The following DAB1 variants were observed in gnomAD, a reference collection of about 807,000 sequenced individuals.
DAB1 encodes DAB adaptor protein 1.
DAB1 carries 15 observed loss-of-function variants against 64.6 expected under a neutral mutation model. The ratio of observed to expected loss-of-function variants is 0.23; its 90% CI spans 0.16 to 0.36. The LOEUF (loss-of-function observed/expected upper bound fraction) is 0.36. Among genes scored for constraint, DAB1 ranks in the 10% least tolerant of loss-of-function variants. The pLI is 1.00. For synonymous variants in DAB1, 235 were observed against 251.9 expected (o/e 0.93, Z 0.64); for missense variants, 596 against 706.7 (o/e 0.84, Z 1.78).
chr1:58,392,675 G>C (rs183469615), intron 3 of DAB1, among the ~76,000 whole-genome samples: 1 of 152,294 alleles, frequency 6.6e-6, no homozygotes, highest in African/African-American at 2.4e-5. Flanking sequence ...CGAAATGTGG[G>C]GGAAACATGA....
intron 6 of DAB1, among the ~76,000 whole-genome samples, chr1:57,706,027 T>C (rs2101737777): frequency 6.6e-6 from 1 of 151,250 alleles, no homozygotes; most frequent in South Asian, 2.1e-4. Context: ...GCTTAAATTT[T>C]ATAGTGTTTA....
intron 4 of DAB1, among the ~76,000 whole-genome samples, chr1:58,175,411 G>C (rs1010615278): frequency 4.6e-5 from 7 of 152,148 alleles, no homozygotes; most frequent in South Asian, 2.1e-4. Flanking sequence ...TCACTGCCAG[G>C]GTCCACGGCT....
intron 7 of DAB1, among the ~76,000 whole-genome samples, chr1:57,439,418 G>C (rs1032655098): frequency 8.6e-6 from 1 of 116,140 alleles, no homozygotes; most frequent in Admixed American, 8.7e-5. Flanking sequence ...TGGTGATGAG[G>C]TTTTTTCTTT....
At chr1:57,290,260 A>G (rs1443612857) in intron 2 of DAB1, among the ~76,000 whole-genome samples, 8 of 152,122 alleles carry the variant, frequency 5.3e-5, no homozygotes. Context: ...AAAAAAAAAA[A>G]ATGAAGAGCA....
chr1:58,151,386 T>C (rs921965579), intron 4 of DAB1, among the ~76,000 whole-genome samples: 30 of 152,254 alleles, frequency 2.0e-4, no homozygotes, highest in African/African-American at 7.2e-4. Flanking sequence ...ATTGCCATTC[T>C]AACTGGTGTG....
chr1:58,079,099 T>C (rs529340204), intron 5 of DAB1, among the ~76,000 whole-genome samples: 1 of 152,044 alleles, frequency 6.6e-6, no homozygotes, highest in Admixed American at 6.5e-5. Flanking sequence ...CTCCTCAAGA[T>C]CCAAAAAAAG....
chr1:57,716,737 T>C (rs1219525512), intron 6 of DAB1, among the ~76,000 whole-genome samples: 3 of 152,098 alleles, frequency 2.0e-5, no homozygotes, highest in Non-Finnish European at 4.4e-5. Flanking sequence ...ACAAATTCGA[T>C]TATATCAAAC....
intron 4 of DAB1, among the ~76,000 whole-genome samples, chr1:58,207,053 G>A (rs1310638598): frequency 6.6e-6 from 1 of 152,134 alleles, no homozygotes; most frequent in Non-Finnish European, 1.5e-5. Flanking sequence ...GCAGAGCTTG[G>A]GGAGCCAATT....
At chr1:58,166,506 C>T (rs2100757992) in intron 4 of DAB1, among the ~76,000 whole-genome samples, 1 of 152,294 alleles carries the variant, frequency 6.6e-6, no homozygotes, top group East Asian at 1.9e-4. Context: ...TTTTATTCCA[C>T]TGCCTGGGTA....
At chr1:57,621,700 G>A (rs1645861846) in intron 7 of DAB1, among the ~76,000 whole-genome samples, 1 of 152,040 alleles carries the variant, frequency 6.6e-6, no homozygotes, top group Non-Finnish European at 1.5e-5. Context: ...GTATTAAGTG[G>A]GATTCTCGCT....
intron 7 of DAB1, among the ~76,000 whole-genome samples, chr1:57,623,376 A>G (rs181062009): frequency 3.2e-3 from 493 of 152,324 alleles, no homozygotes; most frequent in Non-Finnish European, 6.0e-3. Flanking sequence ...TACACATGCC[A>G]GGATGGTGGT....
rs1481198167 is a variant in DAB1 at position 57,257,075 on chromosome 1, G to A, written c.67+33889C>T. On this transcript the variant is annotated intron_variant, in intron 2 of 14. Coordinates refer to ENST00000371236, the MANE Select transcript of DAB1 (RefSeq NM_001365792.1). ...CACTGACAATCAGACCTGGGATCAA[G>A]AGTCTTCAGGATGACTTCCTTGCCA... 2.0e-5 allele frequency among the ~76,000 whole-genome samples: 3 copies of A among 152,208 alleles called. No individual in the cohort carries two copies. In the East Asian group the frequency reaches 5.8e-4, roughly 29 times the overall value.
intron 3 of DAB1, among the ~76,000 whole-genome samples, chr1:58,420,698 C>T (rs1158328498): frequency 1.3e-5 from 2 of 152,150 alleles, no homozygotes; most frequent in African/African-American, 4.8e-5. Context: ...TGAGATGTTT[C>T]CTAGTTTGCA....
chr1:57,035,993 C>T (rs958509241), intron 9 of DAB1, among the ~76,000 whole-genome samples: 2 of 151,840 alleles, frequency 1.3e-5, no homozygotes, highest in Admixed American at 6.6e-5. Context: ...TAGGTGCATA[C>T]CACCATGCCT....
chr1:58,169,059 G>A (rs1266426913), intron 4 of DAB1, among the ~76,000 whole-genome samples: 5 of 152,206 alleles, frequency 3.3e-5, no homozygotes, highest in Admixed American at 6.5e-5. Context: ...CTGCTGCTAC[G>A]TTGATGAGTG....
chr1:57,886,292 G>A (rs936969047), upstream of DAB1, among the ~76,000 whole-genome samples: 12 of 151,794 alleles, frequency 7.9e-5, no homozygotes, highest in Non-Finnish European at 1.6e-4. Context: ...TGGAGTACCT[G>A]GGATTTTAGG....
chr1:58,243,547 T>A (rs529919651), intron 4 of DAB1, among the ~76,000 whole-genome samples: 9 of 152,134 alleles, frequency 5.9e-5, no homozygotes, highest in Non-Finnish European at 1.2e-4. Context: ...CTATTAATTA[T>A]ATAGAATTCT....
chr1:57,744,487 T>C (rs1648166856), intron 6 of DAB1, among the ~76,000 whole-genome samples: 1 of 152,128 alleles, frequency 6.6e-6, no homozygotes, highest in Middle Eastern at 3.2e-3. Context: ...ACATATTTTA[T>C]TCATTTAGTC....
chr1:57,230,025 A>G (rs1667551572), intron 2 of DAB1, among the ~76,000 whole-genome samples: 2 of 152,240 alleles, frequency 1.3e-5, no homozygotes, highest in South Asian at 4.1e-4. Flanking sequence ...TGAAGCATAT[A>G]TTTCTCCTTC....
Sources: allele counts gnomAD v4.1 joint callset (sites outside exome capture counted in the v4.1 genomes callset), GRCh38; gene constraint gnomAD v4.1.1; transcripts MANE v1.5; gene names NCBI Gene and HGNC (gene_info 2026-07-23, HGNC 2026-07-21).